Variants in GABRB3 observed in about 807,000 individuals in gnomAD.
The protein encoded by GABRB3 is gamma-aminobutyric acid type A receptor subunit beta3.
GABRB3 carries 14 observed loss-of-function variants against 52.1 expected under a neutral mutation model. The ratio of observed to expected loss-of-function variants is 0.27; its 90% CI spans 0.18 to 0.42. The LOEUF (loss-of-function observed/expected upper bound fraction) is 0.42. Among genes scored for constraint, GABRB3 ranks in the 10% least tolerant of loss-of-function variants. The pLI is 1.00. For missense variants in GABRB3, 307 were observed against 609.1 expected, an observed-to-expected ratio of 0.50 and a Z score of 5.22; for synonymous variants, 260 against 232.3, an observed-to-expected ratio of 1.12 and a Z score of -1.08.
Position 26,616,000 on chromosome 15 carries a change from G to A in GABRB3, c.461+5314C>T, listed in dbSNP as rs1049006747. On this transcript the variant is annotated intron_variant, in intron 4 of 8. Transcript: ENST00000311550. ...AGCTCTCTGCAAACCTTCCACCATGGGGAATTTAACTTCAGTGTTCTCAGC... is the reference window on the plus strand; with the variant it reads ...AGCTCTCTGCAAACCTTCCACCATGAGGAATTTAACTTCAGTGTTCTCAGC... The A allele has an allele frequency of 2.3e-6, 3 of 1,289,082 alleles. No individual in the cohort carries two copies. In the African/African-American group the frequency reaches 4.6e-5, roughly 20 times the overall value. 79.9% of individuals were successfully genotyped at this position (1,289,082 alleles called of 1,614,324 possible).
chr15:26,577,746 T>C (rs907748019), intron 6 of GABRB3, among the ~76,000 whole-genome samples: 2 of 152,194 alleles, frequency 1.3e-5, no homozygotes, highest in Admixed American at 6.5e-5. Context: ...GGTGACATCA[T>C]AGTCTGGTCC....
chr15:26,690,182 A>G (rs919715504), intron 3 of GABRB3, among the ~76,000 whole-genome samples: 4 of 146,004 alleles, frequency 2.7e-5, no homozygotes, highest in Non-Finnish European at 5.9e-5. Flanking sequence ...TAGCTCAGTG[A>G]TCCTCCCGCC....
intron 8 of GABRB3, among the ~76,000 whole-genome samples, chr15:26,551,540 T>G (rs1889463981): frequency 6.6e-6 from 1 of 152,058 alleles, no homozygotes; most frequent in Non-Finnish European, 1.5e-5. Flanking sequence ...GGGGAAGTAG[T>G]GGAAAGTCAC....
At chr15:26,688,163 G>A (rs1888465770) in intron 3 of GABRB3, among the ~76,000 whole-genome samples, 1 of 152,216 alleles carries the variant, frequency 6.6e-6, no homozygotes, top group South Asian at 2.1e-4. Context: ...TCAATGGCAA[G>A]TATATCCAAT....
At chr15:26,730,784 G>A (rs1350480569) in intron 3 of GABRB3, among the ~76,000 whole-genome samples, 1 of 152,176 alleles carries the variant, frequency 6.6e-6, no homozygotes, top group African/African-American at 2.4e-5. Flanking sequence ...TGCTGGTTAT[G>A]CCATATCGCA....
At chr15:26,628,997 C>A in intron 3 of GABRB3, 1 of 1,536,154 alleles carries the variant, frequency 6.5e-7, no homozygotes, top group Non-Finnish European at 8.7e-7. Context: ...TGGTAGGTGG[C>A]CCACATGGGG....
intron 3 of GABRB3, among the ~76,000 whole-genome samples, chr15:26,740,003 C>G (rs1890160545): frequency 6.6e-6 from 1 of 152,214 alleles, no homozygotes; most frequent in African/African-American, 2.4e-5. Context: ...TCATTTGTCT[C>G]TGCCTCCAAG....
At chr15:26,753,843 G>A (rs1479035794) in intron 3 of GABRB3, among the ~76,000 whole-genome samples, 1 of 152,166 alleles carries the variant, frequency 6.6e-6, no homozygotes, top group Non-Finnish European at 1.5e-5. Flanking sequence ...TGGGGCGAGG[G>A]CAGGCTACAG....
intron 6 of GABRB3, 100 bp downstream of exon 6, chr15:26,580,219 T>A (rs1890737958): frequency 7.2e-7 from 1 of 1,383,786 alleles, no homozygotes; most frequent in Non-Finnish European, 1.0e-6. Flanking sequence ...CTCCTTCCGA[T>A]GATCCTGTGC....
At chr15:26,674,459 AAAGAAAAAG>A (rs1652316501) in intron 3 of GABRB3, among the ~76,000 whole-genome samples, 1 of 104,928 alleles carries the variant, frequency 9.5e-6, no homozygotes, top group Non-Finnish European at 2.4e-5. Context: ...AAGGAAAAGA[AAAGAAAAAG>A]AAAGAAAGAA....
intron 3 of GABRB3, chr15:26,656,949 C>A (rs1341838351): frequency 6.6e-6 from 1 of 152,202 alleles, no homozygotes; most frequent in Admixed American, 6.5e-5. Context: ...TGATGCTTTA[C>A]CTAGTAGCTC....
At chr15:26,711,869 A>C (rs1205890764) in intron 3 of GABRB3, among the ~76,000 whole-genome samples, 1 of 152,252 alleles carries the variant, frequency 6.6e-6, no homozygotes, top group African/African-American at 2.4e-5. Flanking sequence ...TAAAACAAGT[A>C]AGGGGAGAGA....
chr15:26,720,153 G>A (rs10162980), intron 3 of GABRB3, among the ~76,000 whole-genome samples: 13,971 of 144,144 alleles, frequency 0.097, 930 homozygotes, highest in East Asian at 0.32. Context: ...ACTCCTGCCC[G>A]CCAGAGAACA....
At chr15:26,554,141 AAAG>A (rs1567097194) in intron 8 of GABRB3, among the ~76,000 whole-genome samples, 601 of 55,314 alleles carry the variant, frequency 0.011, no homozygotes, top group Non-Finnish European at 0.014. Context: ...ATATATATAT[AAAG>A]TATATATATA....
Position 26,547,435 on chromosome 15 carries a change from G to T in GABRB3, c.*358C>A. The T allele has an allele frequency of 2.2e-6, 1 of 451,200 alleles. No homozygotes were observed. The highest frequency in any genetic ancestry group is 3.8e-5 in the Admixed American group (1 of 26,234). The allele number at this position is 451,200 out of a possible 1,614,324, so 27.9% of individuals were successfully genotyped here. Reference sequence around the variant, plus strand: ...TGTGTTTCACGCCCTCATTCTCAAGGCATAATATTTAGATGATACTTGTCC... The same window carrying T: ...TGTGTTTCACGCCCTCATTCTCAAGTCATAATATTTAGATGATACTTGTCC... On this transcript the variant is annotated 3_prime_UTR_variant, in exon 9 of 9. Coordinates refer to ENST00000311550, the MANE Select transcript of GABRB3 (RefSeq NM_000814.6).
intron 3 of GABRB3, among the ~76,000 whole-genome samples, chr15:26,672,287 C>T (rs1266003214): frequency 1.3e-5 from 2 of 152,150 alleles, no homozygotes; most frequent in African/African-American, 4.8e-5. Context: ...AATCCCATCT[C>T]CAGGCATTTT....
At chr15:26,767,103 A>AT (rs1181096563) in intron 3 of GABRB3, 6 of 152,210 alleles carry the variant, frequency 3.9e-5, no homozygotes, top group Non-Finnish European at 5.9e-5. Context: ...TAACTTATGC[A>AT]TGAAACATAC....
chr15:26,750,009 C>G (rs1418923514), intron 3 of GABRB3: 1 of 152,146 alleles, frequency 6.6e-6, no homozygotes, highest in Admixed American at 6.5e-5. Context: ...AGGAATGGCA[C>G]TATTCCATCT....
chr15:26,700,760 C>T (rs1444186680), intron 3 of GABRB3, among the ~76,000 whole-genome samples: 3 of 152,194 alleles, frequency 2.0e-5, no homozygotes, highest in Non-Finnish European at 4.4e-5. Context: ...CTTTCCTTGT[C>T]TTACAAAACT....
Sources: allele counts gnomAD v4.1 joint callset (sites outside exome capture counted in the v4.1 genomes callset), GRCh38; gene constraint gnomAD v4.1.1; transcripts MANE v1.5; gene names NCBI Gene and HGNC (gene_info 2026-07-23, HGNC 2026-07-21).